Variants in FMN2 observed in about 807,000 individuals in gnomAD.
The protein encoded by FMN2 is formin 2.
FMN2 carries 51 observed loss-of-function variants against 142.3 expected under a neutral mutation model. The ratio of observed to expected loss-of-function variants is 0.36; its 90% CI spans 0.29 to 0.45. The LOEUF (loss-of-function observed/expected upper bound fraction) is 0.45. Ranked by LOEUF, FMN2 falls within the 20% of genes least tolerant of loss-of-function variation. The pLI is 1.00. For missense variants in FMN2, 1,936 were observed against 2,122.8 expected (o/e 0.91, Z 1.73); for synonymous variants, 882 against 869.8 (o/e 1.01, Z -0.25).
intron 4 of FMN2, among the ~76,000 whole-genome samples, chr1:240,193,802 C>T (rs1558351189): frequency 1.3e-5 from 2 of 152,346 alleles, no homozygotes; most frequent in Admixed American, 1.3e-4. Context: ...CTTCTAATCT[C>T]TCCTCCACAA....
At chr1:240,298,334 A>T (rs2102968084) in intron 8 of FMN2, among the ~76,000 whole-genome samples, 1 of 152,338 alleles carries the variant, frequency 6.6e-6, no homozygotes, top group East Asian at 1.9e-4. Flanking sequence ...TAATACATAT[A>T]TGCAAATTCC....
At chr1:240,098,096 A>ATTTT (rs1558293621) in intron 1 of FMN2, among the ~76,000 whole-genome samples, 1 of 81,192 alleles carries the variant, frequency 1.2e-5, no homozygotes, top group African/African-American at 7.1e-5. Flanking sequence ...GGTTATCTTG[A>ATTTT]ATTTTTTTTT....
intron 14 of FMN2, among the ~76,000 whole-genome samples, chr1:240,370,550 G>T (rs374190156): frequency 1.3e-5 from 2 of 152,098 alleles, no homozygotes; most frequent in African/African-American, 4.8e-5. Context: ...GAGCTGCTGG[G>T]TCAAAAGCAG....
rs552981779 is a variant in FMN2, at chr1:240,469,913, A to G, written c.5061-2459A>G. 1.1e-3 allele frequency among the ~76,000 whole-genome samples: 172 copies of G among 152,322 alleles called. 1 individual carries two copies. The highest frequency in any genetic ancestry group is 3.4e-3 in the Middle Eastern group (1 of 294). On this transcript the variant is annotated intron_variant, in intron 16 of 17. Coordinates refer to ENST00000319653, the MANE Select transcript of FMN2 (RefSeq NM_020066.5). ...GAAATGACTGAAAAATGAATGGATG[A>G]GCTGAAAGATCTTGTGAGGCCTCCG...
intron 1 of FMN2, among the ~76,000 whole-genome samples, chr1:240,113,331 A>G (rs1262447565): frequency 6.6e-6 from 1 of 151,986 alleles, no homozygotes; most frequent in Non-Finnish European, 1.5e-5. Context: ...TGGGAGGCCG[A>G]GGTGGGCGGA....
intron 1 of FMN2, among the ~76,000 whole-genome samples, chr1:240,112,619 T>C (rs952194935): frequency 6.6e-6 from 1 of 152,246 alleles, no homozygotes; most frequent in Non-Finnish European, 1.5e-5. Context: ...AGCATTTATA[T>C]ACTTATAAAG....
chr1:240,141,441 C>G (rs939301183), intron 2 of FMN2, among the ~76,000 whole-genome samples: 2 of 152,018 alleles, frequency 1.3e-5, no homozygotes, highest in East Asian at 3.9e-4. Context: ...AAACTCCTCC[C>G]CCTGCAAACT....
chr1:240,123,576 C>A (rs1662380815), intron 2 of FMN2, among the ~76,000 whole-genome samples: 1 of 150,186 alleles, frequency 6.7e-6, no homozygotes, highest in African/African-American at 2.4e-5. Flanking sequence ...CTTTTCTTGA[C>A]AGATGGTCAC....
At chr1:240,139,978 CGGATAGGATGCCTACAGGTATTATT>C (rs1663111251) in intron 2 of FMN2, among the ~76,000 whole-genome samples, 1 of 152,062 alleles carries the variant, frequency 6.6e-6, no homozygotes, top group African/African-American at 2.4e-5. Flanking sequence ...TGAGGGGGTT[CGGATAGGATGCCTACAGGTATTATT>C]GGGTAGATAA....
Position 240,211,178 on chromosome 1 carries a change from T to C in FMN2, c.4008T>C (p.Ala1336=). 6.2e-7 allele frequency: 1 copy of C among 1,613,304 alleles called. No individual in the cohort carries two copies. The highest frequency in any genetic ancestry group is 8.5e-7 in the Non-Finnish European group (1 of 1,179,602). Residue 1336 remains alanine (A), a synonymous_variant, in exon 6 of 18, where the codon GCT becomes GCC. Coordinates refer to ENST00000319653, the MANE Select transcript of FMN2 (RefSeq NM_020066.5). The part of the protein sequence containing the change: ...HEFEELFSKT[A]VKERKKPISD... ...TTGAGGAATTATTTTCTAAAACTGC[T>C]GTAAAGGAGAGAAAGAAACCTATCT... is the stretch of plus-strand genomic sequence containing the variant.
intron 2 of FMN2, among the ~76,000 whole-genome samples, chr1:240,166,332 C>T (rs1015519851): frequency 1.3e-5 from 2 of 151,836 alleles, no homozygotes; most frequent in East Asian, 1.9e-4. Flanking sequence ...CGGGTTCAAG[C>T]GATTCTCCTG....
At chr1:240,436,624 C>T (rs1192904546) in intron 15 of FMN2, among the ~76,000 whole-genome samples, 1 of 150,162 alleles carries the variant, frequency 6.7e-6, no homozygotes, top group African/African-American at 2.5e-5. Flanking sequence ...TTGCAGTGAG[C>T]TGAGACCATG....
chr1:240,232,444 A>G (rs560116365), intron 6 of FMN2, among the ~76,000 whole-genome samples: 1 of 152,194 alleles, frequency 6.6e-6, no homozygotes, highest in East Asian at 1.9e-4. Context: ...CCTACTTAAA[A>G]ATATCTTTTT....
At chr1:240,214,550 CAAAAAA>C (rs35698298) in intron 6 of FMN2, among the ~76,000 whole-genome samples, 4 of 122,204 alleles carry the variant, frequency 3.3e-5, no homozygotes, top group East Asian at 5.3e-4. Context: ...GACTCCATCT[CAAAAAA>C]AAAAAAAAAA....
At chr1:240,387,215 AT>A (rs1307727839) in intron 14 of FMN2, among the ~76,000 whole-genome samples, 1 of 152,062 alleles carries the variant, frequency 6.6e-6, no homozygotes, top group Non-Finnish European at 1.5e-5. Context: ...TGATTGCTTT[AT>A]TTTACTATCA....
chr1:240,131,732 A>T (rs938381734), intron 2 of FMN2, among the ~76,000 whole-genome samples: 15 of 152,112 alleles, frequency 9.9e-5, no homozygotes, highest in African/African-American at 3.6e-4. Flanking sequence ...AAAAGTCTGT[A>T]TACTGGGCAG....
intron 2 of FMN2, among the ~76,000 whole-genome samples, chr1:240,126,944 G>T (rs898569252): frequency 6.6e-5 from 10 of 152,050 alleles, no homozygotes; most frequent in African/African-American, 1.7e-4. Context: ...GCGCAGAGGG[G>T]AGCCTGTGAG....
Position 240,402,429 on chromosome 1 carries a change from G to T in FMN2, c.4910+9867G>T, listed in dbSNP as rs191328750. Reference sequence around the variant, plus strand: ...CGAATAAATGGTTTAACTGAACTCTGCAGTTCTCCTGGAAAGTAAGGCGGC... The same window carrying T: ...CGAATAAATGGTTTAACTGAACTCTTCAGTTCTCCTGGAAAGTAAGGCGGC... On this transcript the variant is annotated intron_variant, in intron 15 of 17. Coordinates refer to ENST00000319653, the MANE Select transcript of FMN2 (RefSeq NM_020066.5). Among the ~76,000 whole-genome samples, 56 of 152,318 alleles carry T rather than the reference G, an allele frequency of 3.7e-4. No homozygotes were observed. In the East Asian group the frequency reaches 9.1e-3, roughly 25 times the overall value.
At chr1:240,122,700 T>G (rs752977931) in intron 1 of FMN2, among the ~76,000 whole-genome samples, 3 of 152,014 alleles carry the variant, frequency 2.0e-5, no homozygotes, top group Non-Finnish European at 2.9e-5. Context: ...GAGGATGGCT[T>G]AAGCCCAGGA....
Sources: gnomAD v4.1 joint callset for allele counts (sites outside exome capture counted in the v4.1 genomes callset) on GRCh38, gnomAD v4.1.1 for gene constraint, MANE v1.5 for transcripts, NCBI Gene and HGNC (gene_info 2026-07-23, HGNC 2026-07-21) for gene names.